ROBO1: variants seen among roughly 807,000 people sequenced by gnomAD.
ROBO1 encodes roundabout homolog 1.
Under a neutral mutation model 195.9 loss-of-function variants are expected in ROBO1, and 149 were observed. The observed-to-expected ratio is 0.76, with a 90% CI of 0.67 to 0.87. The LOEUF (loss-of-function observed/expected upper bound fraction) is 0.87. Among genes scored for constraint, ROBO1 ranks in the 40% least tolerant of loss-of-function variants. The pLI is 0.00. For synonymous variants in ROBO1, 816 were observed against 733.2 expected (o/e 1.11, Z -1.82); for missense variants, 1,933 against 2,068.3 (o/e 0.93, Z 1.27).
At chr3:78,970,598 T>C (rs1307632005) in intron 3 of ROBO1, among the ~76,000 whole-genome samples, 1 of 152,162 alleles carries the variant, frequency 6.6e-6, no homozygotes, top group Admixed American at 6.5e-5. Context: ...AAATGACTTG[T>C]CCAGGGATTT....
chr3:79,153,765 G>A (rs914635898), intron 2 of ROBO1, among the ~76,000 whole-genome samples: 1 of 147,372 alleles, frequency 6.8e-6, no homozygotes, highest in Non-Finnish European at 1.5e-5. Flanking sequence ...TATAAATATT[G>A]TTTATATGTA....
chr3:78,786,496 G>A (rs1201171512), intron 4 of ROBO1, among the ~76,000 whole-genome samples: 1 of 151,968 alleles, frequency 6.6e-6, no homozygotes, highest in Admixed American at 6.5e-5. Context: ...ATTATCATTT[G>A]ATATGGTTTT....
intron 3 of ROBO1, among the ~76,000 whole-genome samples, chr3:79,052,525 A>C (rs1011354850): frequency 1.3e-5 from 2 of 151,852 alleles, no homozygotes; most frequent in Non-Finnish European, 2.9e-5. Context: ...CCCACTCCCT[A>C]TTTGTACACC....
rs148019228 is a variant in ROBO1, at chr3:78,999,870, C to T, written c.173-60943G>A. On this transcript the variant is annotated intron_variant, in intron 3 of 30. Coordinates refer to ENST00000464233, the MANE Select transcript of ROBO1 (RefSeq NM_002941.4). ...TTCTGCTTAGTCTGATGGGCAATCA[C>T]GCAAAACACATAGAATATTCATTAA... Among the ~76,000 whole-genome samples, 79 of 152,210 alleles carry T rather than the reference C, an allele frequency of 5.2e-4. No individual in the cohort carries two copies. In the South Asian group the frequency reaches 0.01, roughly 20 times the overall value.
At chr3:78,669,008 T>C (rs1707900019) in intron 11 of ROBO1, among the ~76,000 whole-genome samples, 1 of 152,172 alleles carries the variant, frequency 6.6e-6, no homozygotes, top group Admixed American at 6.5e-5. Context: ...ATATATGAGA[T>C]CAACAGAAAA....
chr3:79,333,060 AG>A (rs548067519), intron 2 of ROBO1, among the ~76,000 whole-genome samples: 18 of 151,326 alleles, frequency 1.2e-4, no homozygotes, highest in African/African-American at 3.7e-4. Context: ...AAAATTAGCC[AG>A]GGGGGGTAGC....
At chr3:79,643,473 G>C (rs947512522) in intron 1 of ROBO1, among the ~76,000 whole-genome samples, 8 of 152,024 alleles carry the variant, frequency 5.3e-5, no homozygotes, top group African/African-American at 1.9e-4. Flanking sequence ...AAGCCCAAAG[G>C]AAAAATCTAT....
At chr3:79,344,673 G>C (rs1393922541) in intron 2 of ROBO1, among the ~76,000 whole-genome samples, 1 of 151,956 alleles carries the variant, frequency 6.6e-6, no homozygotes, top group East Asian at 1.9e-4. Context: ...GTTAGGATAG[G>C]TATGAGGAAG....
intron 3 of ROBO1, among the ~76,000 whole-genome samples, chr3:79,077,867 T>G (rs577181153): frequency 1.3e-5 from 2 of 151,980 alleles, no homozygotes; most frequent in East Asian, 3.9e-4. Context: ...CTCTAAGTAC[T>G]CACGTTTTAA....
chr3:78,694,073 ATT>A (rs2081235059), intron 8 of ROBO1, among the ~76,000 whole-genome samples: 1 of 152,228 alleles, frequency 6.6e-6, no homozygotes, highest in African/African-American at 2.4e-5. Flanking sequence ...AAGTGAATAA[ATT>A]ACAAGAACTA....
chr3:79,494,094 C>A (rs754922880), intron 2 of ROBO1, among the ~76,000 whole-genome samples: 14 of 152,126 alleles, frequency 9.2e-5, no homozygotes, highest in African/African-American at 3.1e-4. Context: ...CTGAAGAATG[C>A]GTGCCAAGTA....
At position 78,753,296 on chromosome 3, in the gene ROBO1, T is replaced by C. The variant is rs190177956; in HGVS notation, c.500-6396A>G. ...CATGTTGTCTCTGGTCTTTTAATTG[T>C]TAGAATTACATCCAGATTGGGTTCA... On this transcript the variant is annotated intron_variant, in intron 4 of 30. Coordinates refer to ENST00000464233, the MANE Select transcript of ROBO1 (RefSeq NM_002941.4). Among the ~76,000 whole-genome samples, 3 of 152,282 alleles carry C rather than the reference T, an allele frequency of 2.0e-5. No homozygotes were observed. The East Asian group carries it at 5.8e-4, about 29-fold the overall frequency.
chr3:79,207,814 C>T (rs1293285409), intron 2 of ROBO1, among the ~76,000 whole-genome samples: 4 of 150,372 alleles, frequency 2.7e-5, no homozygotes, highest in Non-Finnish European at 5.9e-5. Context: ...CCATCGACTT[C>T]GGTTCATATC....
chr3:79,065,159 A>T (rs1472734817), intron 3 of ROBO1, among the ~76,000 whole-genome samples: 1 of 152,004 alleles, frequency 6.6e-6, no homozygotes, highest in Non-Finnish European at 1.5e-5. Context: ...TGAAACAAAA[A>T]CTAAAATGGA....
chr3:79,187,164 T>C (rs922438817), intron 2 of ROBO1, among the ~76,000 whole-genome samples: 3 of 152,030 alleles, frequency 2.0e-5, no homozygotes, highest in Admixed American at 6.6e-5. Flanking sequence ...TAGGAAAATA[T>C]GTAATGTATT....
intron 2 of ROBO1, among the ~76,000 whole-genome samples, chr3:79,265,469 G>T (rs946780625): frequency 7.3e-5 from 11 of 151,606 alleles, no homozygotes; most frequent in African/African-American, 1.9e-4. Flanking sequence ...GCAGAAGCCT[G>T]CACTAATGGA....
intron 2 of ROBO1, among the ~76,000 whole-genome samples, chr3:79,218,502 C>T (rs149200607): frequency 2.0e-4 from 30 of 152,002 alleles, no homozygotes; most frequent in African/African-American, 6.7e-4. Context: ...CTCTCTTATA[C>T]TGAATCCTAT....
chr3:79,304,456 A>G (rs2033129955), intron 2 of ROBO1, among the ~76,000 whole-genome samples: 1 of 152,212 alleles, frequency 6.6e-6, no homozygotes, highest in African/African-American at 2.4e-5. Flanking sequence ...ACGATCATCA[A>G]GATAATGAAT....
chr3:78,901,307 T>C (rs1256169110), intron 4 of ROBO1, among the ~76,000 whole-genome samples: 1 of 152,134 alleles, frequency 6.6e-6, no homozygotes, highest in Non-Finnish European at 1.5e-5. Context: ...CGAAATATCA[T>C]CAGGAATTTT....
Sources: gnomAD v4.1 joint callset for allele counts (sites outside exome capture counted in the v4.1 genomes callset) on GRCh38, gnomAD v4.1.1 for gene constraint, MANE v1.5 for transcripts, NCBI Gene and HGNC (gene_info 2026-07-23, HGNC 2026-07-21) for gene names.